The following PVALB variants were observed in gnomAD, a reference collection of about 807,000 sequenced individuals.
The protein encoded by PVALB is parvalbumin, also known as parvalbumin alpha.
PVALB carries 11 observed loss-of-function variants against 10.9 expected under a neutral mutation model. The ratio of observed to expected loss-of-function variants is 1.01; its 90% CI spans 0.63 to 1.67. The LOEUF is 1.67. Among genes scored for constraint, PVALB ranks in the 40% most tolerant of loss-of-function variants. The pLI, the probability that PVALB is intolerant of heterozygous loss-of-function variation, is 0.00. For synonymous variants in PVALB, 57 were observed against 50.7 expected, an observed-to-expected ratio of 1.12 and a Z score of -0.53; for missense variants, 131 against 136.2, an observed-to-expected ratio of 0.96 and a Z score of 0.19.
At position 36,800,884 on chromosome 22, in the gene PVALB, T is replaced by G; in HGVS notation, c.*6A>C. ...GAGGTGGAAGACCAGGGGCAGTCAG[T>G]GCTTCTTAGCTTTCAGCCACCAGAG... On this transcript the variant is annotated 3_prime_UTR_variant, in exon 4 of 4. Transcript: ENST00000417718. The G allele has an allele frequency of 6.2e-7, 1 of 1,609,448 alleles. No homozygotes were observed. Among genetic ancestry groups the G allele is most frequent in the Non-Finnish European group, 8.5e-7 (1 of 1,175,802 alleles).
At chr22:36,803,673 G>GGA (rs1555910551) in intron 3 of PVALB, among the ~76,000 whole-genome samples, 1 of 119,802 alleles carries the variant, frequency 8.3e-6, no homozygotes, top group South Asian at 3.0e-4. Flanking sequence ...GGGTGGGTGG[G>GGA]TGGATGGATG....
upstream of PVALB, among the ~76,000 whole-genome samples, chr22:36,818,968 C>T (rs539241557): frequency 2.6e-5 from 4 of 152,302 alleles, no homozygotes; most frequent in African/African-American, 7.2e-5. Context: ...AACAGGGGCC[C>T]ACTCTTCTTC....
At chr22:36,802,844 G>A (rs1051040031) in intron 3 of PVALB, among the ~76,000 whole-genome samples, 2 of 152,106 alleles carry the variant, frequency 1.3e-5, no homozygotes, top group Admixed American at 6.5e-5. Context: ...CTCTGGCTGA[G>A]TGGTAACAGC....
At chr22:36,808,712 C>T (rs185977853) in intron 3 of PVALB, among the ~76,000 whole-genome samples, 2 of 152,236 alleles carry the variant, frequency 1.3e-5, no homozygotes, top group African/African-American at 4.8e-5. Flanking sequence ...GACACCCGCT[C>T]CCAGCTGGAG....
chr22:36,814,760 T>C (rs1939109770), intron 2 of PVALB, among the ~76,000 whole-genome samples: 1 of 152,160 alleles, frequency 6.6e-6, no homozygotes, highest in African/African-American at 2.4e-5. Context: ...AATACTCAAG[T>C]GAATGCTTTC....
intron 3 of PVALB, 58 bp from the exon 4 acceptor site, chr22:36,800,976 C>T (rs887731336): frequency 2.0e-6 from 3 of 1,536,296 alleles, no homozygotes; most frequent in African/African-American, 2.7e-5. Flanking sequence ...GAGAGACTGT[C>T]CACACCTGAC....
intron 2 of PVALB, 51 bp downstream of exon 2, chr22:36,815,052 C>T (rs778817719): frequency 6.2e-7 from 1 of 1,608,374 alleles, no homozygotes; most frequent in South Asian, 1.1e-5. Context: ...CCAGCCCCCA[C>T]TCCCTCTCGT....
At chr22:36,817,106 G>A (rs1438198515), upstream of PVALB, 10 of 1,151,382 alleles carry the variant, frequency 8.7e-6, no homozygotes, top group Non-Finnish European at 1.2e-5. Context: ...CTGCGCGCCG[G>A]GCGCACGCCC....
intron 3 of PVALB, among the ~76,000 whole-genome samples, chr22:36,801,460 T>C (rs909060826): frequency 6.6e-6 from 1 of 152,180 alleles, no homozygotes; most frequent in African/African-American, 2.4e-5. Context: ...CTCAGCCTGC[T>C]GGGGAGTGTA....
At chr22:36,817,181 G>A (rs898804411), upstream of PVALB, 11 of 482,482 alleles carry the variant, frequency 2.3e-5, no homozygotes, top group African/African-American at 1.0e-4. Context: ...CAGTCCAGCC[G>A]CGCCGCTGAG....
At chr22:36,802,013 G>A (rs963791446) in intron 3 of PVALB, among the ~76,000 whole-genome samples, 12 of 152,154 alleles carry the variant, frequency 7.9e-5, no homozygotes, top group East Asian at 1.9e-4. Flanking sequence ...AAAACTGGTC[G>A]TGAAATGGCT....
chr22:36,815,219 G>A lies in PVALB; in HGVS notation c.78C>T (p.Asp26=). Reference sequence around the variant, plus strand: ...CGACCATTTGGAAGAACTTTTTGTGGTCGAAGGAGTCGGTAGCTGTGGGGG... The same window carrying A: ...CGACCATTTGGAAGAACTTTTTGTGATCGAAGGAGTCGGTAGCTGTGGGGG... The part of the protein sequence containing the change: ...VGAFSATDSF[D]HKKFFQMVGL... The change falls in exon 2 of 4, where the codon GAC becomes GAT. Residue 26 remains aspartate (D), a synonymous_variant. Coordinates refer to ENST00000417718, the MANE Select transcript of PVALB (RefSeq NM_001315532.2). The A allele has an allele frequency of 6.2e-7, 1 of 1,614,178 alleles. No individual in the cohort carries two copies. Among genetic ancestry groups the A allele is most frequent in the Non-Finnish European group, 8.5e-7 (1 of 1,180,010 alleles).
At chr22:36,813,410 G>A in intron 3 of PVALB, 1 of 493,596 alleles carries the variant, frequency 2.0e-6, no homozygotes, top group East Asian at 3.1e-5. Flanking sequence ...CTACCCAGCA[G>A]GAAAAACAGA....
intron 3 of PVALB, among the ~76,000 whole-genome samples, chr22:36,801,354 G>T (rs1275140246): frequency 6.6e-6 from 1 of 152,218 alleles, no homozygotes; most frequent in Non-Finnish European, 1.5e-5. Context: ...TCAGGGTCCT[G>T]ATTTCTGGAC....
At chr22:36,807,592 A>G (rs1938972765) in intron 3 of PVALB, among the ~76,000 whole-genome samples, 1 of 152,222 alleles carries the variant, frequency 6.6e-6, no homozygotes, top group Non-Finnish European at 1.5e-5. Flanking sequence ...CCATAAAATA[A>G]GAGGAAAGGA....
chr22:36,801,800 AAAAC>A (rs200552626), intron 3 of PVALB, among the ~76,000 whole-genome samples: 4,424 of 152,202 alleles, frequency 0.029, 86 homozygotes, highest in Non-Finnish European at 0.044. Flanking sequence ...ACTCTGTCTC[AAAAC>A]AAACAAAAAA....
chr22:36,806,596 T>G (rs1938953861), intron 3 of PVALB, among the ~76,000 whole-genome samples: 1 of 152,022 alleles, frequency 6.6e-6, no homozygotes, highest in Non-Finnish European at 1.5e-5. Context: ...TCACCTCACC[T>G]CTAAATAGCT....
intron 1 of PVALB, 99 bp downstream of exon 1, chr22:36,816,846 C>T: frequency 1.9e-6 from 2 of 1,075,246 alleles, no homozygotes; most frequent in Non-Finnish European, 2.6e-6. Flanking sequence ...TGGGCAGAAG[C>T]GCGCTGGGGA....
chr22:36,811,129 A>T (rs941627243), intron 3 of PVALB, among the ~76,000 whole-genome samples: 19 of 152,250 alleles, frequency 1.2e-4, no homozygotes, highest in Non-Finnish European at 8.8e-5. Context: ...TACAAAAATT[A>T]GCTGGGGATG....
Sources: gnomAD v4.1 joint callset for allele counts (sites outside exome capture counted in the v4.1 genomes callset) on GRCh38, gnomAD v4.1.1 for gene constraint, MANE v1.5 for transcripts, NCBI Gene and HGNC (gene_info 2026-07-23, HGNC 2026-07-21) for gene names.